Variants in LTA4H observed in about 807,000 individuals in gnomAD.
LTA4H encodes leukotriene A4 hydrolase, also known as leukotriene A-4 hydrolase.
Under a neutral mutation model 89.8 loss-of-function variants are expected in LTA4H, and 59 were observed. The observed-to-expected ratio is 0.66, with a 90% CI of 0.53 to 0.82. The LOEUF is 0.82. LTA4H is among the 40% of genes least tolerant of loss of function. LTA4H has a pLI of 0.00. For missense variants in LTA4H, 617 were observed against 727.0 expected, an observed-to-expected ratio of 0.85 and a Z score of 1.74; for synonymous variants, 227 against 253.1, an observed-to-expected ratio of 0.90 and a Z score of 0.98.
intron 11 of LTA4H, chr12:96,015,221 G>A: frequency 2.0e-6 from 1 of 494,244 alleles, no homozygotes; most frequent in Non-Finnish European, 3.5e-6. Context: ...AATAATACAG[G>A]CTTTATTCTT....
At chr12:96,013,703 T>C (rs191592859) in intron 13 of LTA4H, 47 bp downstream of exon 13, 13 of 964,388 alleles carry the variant, frequency 1.3e-5, no homozygotes, top group African/African-American at 3.3e-5. Context: ...AGTCAATAAA[T>C]AGAGATATAT....
At chr12:96,013,642 C>T in intron 13 of LTA4H, 108 bp downstream of exon 13, 1 of 645,814 alleles carries the variant, frequency 1.5e-6, no homozygotes, top group East Asian at 2.9e-5. Flanking sequence ...GAGGTTGAGT[C>T]CTAAAGTTCT....
rs201690842 is a variant in LTA4H, at chr12:96,018,838, T to C, written c.777A>G (p.Leu259=). The change falls in exon 8 of 19, where the codon CTA becomes CTG. Residue 259 remains leucine, a synonymous_variant. Transcript: ENST00000228740. ...GGPYVWGQYD[L]LVLPPSFPYG... is the part of the protein sequence containing the mutation. ...AAGGGAAGGATGGTGGCAGGACCAA[T>C]AGGTCATACTGTCCCCATACATACG... 35 of 1,605,098 alleles carry C rather than the reference T, an allele frequency of 2.2e-5. No homozygotes were observed. Among genetic ancestry groups the C allele is most frequent in the Admixed American group, 1.6e-4 (9 of 57,172 alleles).
chr12:96,006,775 C>A (rs189858725), intron 15 of LTA4H, among the ~76,000 whole-genome samples: 14 of 152,184 alleles, frequency 9.2e-5, no homozygotes, highest in Admixed American at 7.8e-4. Context: ...AGAATGAAAT[C>A]GTATATTTTT....
At chr12:96,036,437 T>C (rs1433812861), upstream of LTA4H, among the ~76,000 whole-genome samples, 1 of 152,116 alleles carries the variant, frequency 6.6e-6, no homozygotes, top group Non-Finnish European at 1.5e-5. Context: ...TAATCCTGGG[T>C]GCATTAATGG....
intron 10 of LTA4H, 50 bp from the exon 11 acceptor site, chr12:96,015,744 G>A (rs1195521986): frequency 2.6e-6 from 3 of 1,169,254 alleles, no homozygotes; most frequent in African/African-American, 3.1e-5. Flanking sequence ...GAGAAGAAAA[G>A]ACATTTCAAT....
intron 9 of LTA4H, 135 bp from the exon 10 acceptor site, chr12:96,017,249 AAAATCTTT>A: frequency 1.5e-6 from 1 of 673,974 alleles, no homozygotes. Flanking sequence ...TCAGTTCAGC[AAAATCTTT>A]AATTTAACCA....
rs1464875194 is a variant in LTA4H, at chr12:96,018,869, C to T, written c.746G>A (p.Gly249Glu). The T allele has an allele frequency of 1.9e-6, 3 of 1,597,624 alleles. No individual in the cohort carries two copies. Among genetic ancestry groups the T allele is most frequent in the Non-Finnish European group, 2.6e-6 (3 of 1,174,884 alleles). ...ATACTGTCCCCATACATACGGTCCT[C>T]CCAGATCTTCTGCTATTTTAAGCAT... ...ESMLKIAEDLGGPYVWGQYDL... is the reference protein window; with the variant it reads ...ESMLKIAEDLEGPYVWGQYDL... The change falls in exon 8 of 19, where the codon GGA (glycine) becomes GAA (glutamate). Residue 249 changes from glycine to glutamate, a missense_variant. Gly to Glu is a moderately conservative substitution (Grantham distance 98, BLOSUM62 -2). Around this residue, in one of 3 missense-constraint regions of LTA4H, gnomAD observed 172 missense variants for 244.5 expected, o/e 0.70. Coordinates refer to ENST00000228740, the MANE Select transcript of LTA4H (RefSeq NM_000895.3).
At chr12:96,040,107 G>A (rs539032312), upstream of LTA4H, among the ~76,000 whole-genome samples, 14 of 152,298 alleles carry the variant, frequency 9.2e-5, no homozygotes, top group South Asian at 1.9e-3. Flanking sequence ...AGGATGAGCC[G>A]AATATTAATA....
intron 10 of LTA4H, among the ~76,000 whole-genome samples, chr12:96,016,487 T>C (rs767065991): frequency 6.6e-6 from 1 of 151,114 alleles, no homozygotes; most frequent in Non-Finnish European, 1.5e-5. Flanking sequence ...GGCATGCGCC[T>C]TTAGTCTCAG....
At chr12:96,035,590 C>A, upstream of LTA4H, 1 of 1,504,120 alleles carries the variant, frequency 6.6e-7, no homozygotes, top group Non-Finnish European at 9.0e-7. Flanking sequence ...CGATAGAGAA[C>A]CTGAGGAGGA....
intron 14 of LTA4H, 162 bp from the exon 15 acceptor site, chr12:96,009,310 C>T (rs1592871842): frequency 1.7e-6 from 1 of 583,106 alleles, no homozygotes; most frequent in East Asian, 2.9e-5. Context: ...TTACATACTA[C>T]TGGCATCATC....
chr12:96,019,243 G>A lies in LTA4H; in HGVS notation c.639-3C>T, dbSNP rs1414857783. On this transcript the variant is annotated splice_region_variant and splice_polypyrimidine_tract_variant and intron_variant, in intron 6 of 18. Coordinates refer to ENST00000228740, the MANE Select transcript of LTA4H (RefSeq NM_000895.3). ...CCAAAGTTCTTGGGCCAATTTGCCT[G>A]CAAGATTAAAAAGCTTAATAAAAAA... The A allele has an allele frequency of 6.2e-7, 1 of 1,606,336 alleles. No homozygotes were observed. Among genetic ancestry groups the A allele is most frequent in the Admixed American group, 1.7e-5 (1 of 57,964 alleles).
At chr12:96,038,536 C>T (rs1280396921), upstream of LTA4H, among the ~76,000 whole-genome samples, 3 of 151,856 alleles carry the variant, frequency 2.0e-5, no homozygotes, top group Non-Finnish European at 4.4e-5. Context: ...CCCGCCACCA[C>T]GCCTGGCTAA....
At chr12:96,021,333 G>T (rs1489546824) in intron 5 of LTA4H, among the ~76,000 whole-genome samples, 196 bp from the exon 6 acceptor site, 1 of 151,972 alleles carries the variant, frequency 6.6e-6, no homozygotes, top group Non-Finnish European at 1.5e-5. Flanking sequence ...ATAAAACATT[G>T]TTCAAAACAT....
chr12:96,002,269 T>C (rs2136847732), intron 18 of LTA4H, among the ~76,000 whole-genome samples: 1 of 152,328 alleles, frequency 6.6e-6, no homozygotes, highest in African/African-American at 2.4e-5. Context: ...AATTTTGTGG[T>C]CACATCAAAA....
chr12:96,039,306 T>C (rs1566021535), upstream of LTA4H, among the ~76,000 whole-genome samples: 1 of 152,186 alleles, frequency 6.6e-6, no homozygotes, highest in Non-Finnish European at 1.5e-5. Flanking sequence ...AGATGATCTA[T>C]ATAAAATATT....
Position 96,018,648 on chromosome 12 carries a change from T to C in LTA4H, c.852+115A>G, listed in dbSNP as rs74557867. On this transcript the variant is annotated intron_variant, in intron 8 of 18. Coordinates refer to ENST00000228740, the MANE Select transcript of LTA4H (RefSeq NM_000895.3). ...AAGAGAAAAGATTTTTATACATATA[T>C]ACATTATTAGGACTCTAAGGTTCTT... 2,334 of 566,876 alleles carry C rather than the reference T, an allele frequency of 4.1e-3. 57 individuals carry two copies. The African/African-American group carries it at 0.042, about 10-fold the overall frequency. 35.1% of individuals were successfully genotyped at this position (566,876 alleles called of 1,614,324 possible).
chr12:96,040,777 G>A (rs1213847816), intron 1 of LTA4H, among the ~76,000 whole-genome samples: 1 of 152,174 alleles, frequency 6.6e-6, no homozygotes, highest in Non-Finnish European at 1.5e-5. Flanking sequence ...TTAAGACAGT[G>A]TTATCTTGGG....
Sources: gnomAD v4.1 joint callset for allele counts (sites outside exome capture counted in the v4.1 genomes callset) on GRCh38, gnomAD v4.1.1 for gene constraint, gnomAD v4.1.1 regional missense constraint, MANE v1.5 for transcripts, NCBI Gene and HGNC (gene_info 2026-07-23, HGNC 2026-07-21) for gene names.